The following RADIL variants were observed in gnomAD, a reference collection of about 807,000 sequenced individuals.
The protein encoded by RADIL is ras-associating and dilute domain-containing protein.
A neutral mutation model predicts 97.6 loss-of-function variants in RADIL; 99 were observed. That is an observed-to-expected ratio of 1.01 (90% confidence interval 0.86 to 1.20). RADIL has a LOEUF of 1.20. Among genes scored for constraint, RADIL ranks in the 50% most tolerant of loss-of-function variants. The pLI is 0.00. For missense variants in RADIL, 1,765 were observed against 1,498.9 expected (o/e 1.18, Z -2.93); for synonymous variants, 803 against 691.8 (o/e 1.16, Z -2.52).
At chr7:4,804,566 C>T (rs1005459854) in intron 10 of RADIL, among the ~76,000 whole-genome samples, 3 of 152,194 alleles carry the variant, frequency 2.0e-5, no homozygotes, top group East Asian at 1.9e-4. Flanking sequence ...GCAGGCAGAT[C>T]GCCTGAGGTC....
At chr7:4,825,253 G>C (rs1349749831) in intron 5 of RADIL, among the ~76,000 whole-genome samples, 2 of 152,342 alleles carry the variant, frequency 1.3e-5, no homozygotes, top group East Asian at 3.9e-4. Context: ...AGGAACGGGC[G>C]CAGCTGGCTG....
intron 5 of RADIL, among the ~76,000 whole-genome samples, chr7:4,827,264 C>G (rs968348702): frequency 6.6e-6 from 1 of 151,568 alleles, no homozygotes; most frequent in African/African-American, 2.4e-5. Context: ...ACTCAGGAGG[C>G]TGAGGCAGGA....
chr7:4,819,354 G>C lies in RADIL; in HGVS notation c.1616-2003C>G, dbSNP rs1332360362. Among the ~76,000 whole-genome samples, 4 of 152,054 alleles carry C rather than the reference G, an allele frequency of 2.6e-5. No homozygotes were observed. Among genetic ancestry groups the C allele is most frequent in the Non-Finnish European group, 5.9e-5 (4 of 68,020 alleles). On this transcript the variant is annotated intron_variant, in intron 6 of 14. Transcript: ENST00000399583. This position sits in a 1 kb window ranked among gnomAD's most constrained non-coding sequence, Gnocchi z 5.8. ...CCCAAAGTGCGGGGAGGACAGGTGT[G>C]AGCCCAGCCCTGAGACTCCATTTCT...
intron 12 of RADIL, among the ~76,000 whole-genome samples, chr7:4,800,821 G>T (rs1782058497): frequency 6.6e-6 from 1 of 152,180 alleles, no homozygotes; most frequent in African/African-American, 2.4e-5. Context: ...GAGATGAGCT[G>T]TGCACCTGAG....
At chr7:4,869,996 G>A (rs950138815) in intron 2 of RADIL, among the ~76,000 whole-genome samples, 3 of 152,154 alleles carry the variant, frequency 2.0e-5, no homozygotes, top group East Asian at 1.9e-4. Flanking sequence ...GAAATAAGTC[G>A]AGTGTGTTGG....
rs1417008323 is a variant in RADIL, at chr7:4,814,880, C to T, written c.2139+398G>A. On this transcript the variant is annotated intron_variant, in intron 9 of 14. Transcript: ENST00000399583. This position sits in a 1 kb window ranked among gnomAD's most constrained non-coding sequence, Gnocchi z 4.5. ...GCCACTGCACTCCTGTGCTCCTGGC[C>T]CCTCCTCCAGCCTCAGAGCCACATC... is the stretch of plus-strand genomic sequence containing the variant. 4.6e-5 allele frequency among the ~76,000 whole-genome samples: 7 copies of T among 152,194 alleles called. No individual in the cohort carries two copies. Among genetic ancestry groups the T allele is most frequent in the Non-Finnish European group, 8.8e-5 (6 of 68,028 alleles).
intron 2 of RADIL, chr7:4,860,949 G>C: frequency 1.2e-6 from 2 of 1,614,174 alleles, no homozygotes; most frequent in Non-Finnish European, 1.7e-6. Flanking sequence ...GGCTCCTTCA[G>C]TAACACTGGG....
At chr7:4,853,141 C>G (rs1360235712) in intron 2 of RADIL, among the ~76,000 whole-genome samples, 1 of 152,132 alleles carries the variant, frequency 6.6e-6, no homozygotes, top group Non-Finnish European at 1.5e-5. Context: ...CACTGGAGGC[C>G]AGAGGGCAGG....
rs1377707453 is a variant in RADIL, at chr7:4,819,017, C to T, written c.1616-1666G>A. 6.6e-6 allele frequency among the ~76,000 whole-genome samples: 1 copy of T among 151,778 alleles called. No homozygotes were observed. Among genetic ancestry groups the T allele is most frequent in the African/African-American group, 2.4e-5 (1 of 41,284 alleles). On this transcript the variant is annotated intron_variant, in intron 6 of 14. Coordinates refer to ENST00000399583, the MANE Select transcript of RADIL (RefSeq NM_018059.5). This position sits in a 1 kb window ranked among gnomAD's most constrained non-coding sequence, Gnocchi z 5.8. ...TTGGCCCCCCAAAGTGCTGGGATTA[C>T]AGGCATGCACCCCTGCACCCGGCCC...
intron 2 of RADIL, chr7:4,860,201 G>C (rs1783946709): frequency 6.2e-7 from 1 of 1,613,912 alleles, no homozygotes; most frequent in South Asian, 1.1e-5. Context: ...AGTAGATGAA[G>C]GCACAGACAT....
At chr7:4,865,548 G>A in intron 2 of RADIL, 1 of 786,414 alleles carries the variant, frequency 1.3e-6, no homozygotes, top group East Asian at 2.4e-5. Context: ...TTTTTGTTGA[G>A]ATACTTCAAA....
chr7:4,874,649 C>G (rs886265717), intron 2 of RADIL, among the ~76,000 whole-genome samples: 2 of 152,214 alleles, frequency 1.3e-5, no homozygotes, highest in East Asian at 3.9e-4. Flanking sequence ...TATGGCTGGG[C>G]AGCCTGATGG....
intron 9 of RADIL, among the ~76,000 whole-genome samples, chr7:4,812,165 G>A (rs968022399): frequency 4.6e-5 from 7 of 152,180 alleles, no homozygotes; most frequent in East Asian, 3.8e-4. Flanking sequence ...ACAGGTGGGC[G>A]CTACCACACC....
At position 4,847,754 on chromosome 7, in the gene RADIL, A is replaced by AC. The variant is rs1396278713; in HGVS notation, c.536-11150_536-11149insG. Among the ~76,000 whole-genome samples, 13 of 150,304 alleles carry AC rather than the reference A, an allele frequency of 8.6e-5. 1 individual carries two copies. The highest frequency in any genetic ancestry group is 4.0e-4 in the Admixed American group (6 of 15,124). ...AAGCTAGATGCAAAAAAAAAAAAAA[A>AC]AAAAAAAAAAAACACACAGGTATGA... On this transcript the variant is annotated intron_variant, in intron 2 of 14. Coordinates refer to ENST00000399583, the MANE Select transcript of RADIL (RefSeq NM_018059.5).
Position 4,836,583 on chromosome 7 carries a change from C to A in RADIL, c.558G>T (p.Arg186Ser). 1 of 1,607,446 alleles carries A rather than the reference C, an allele frequency of 6.2e-7. No individual in the cohort carries two copies. Among genetic ancestry groups the A allele is most frequent in the Non-Finnish European group, 8.5e-7 (1 of 1,179,574 alleles). Residue 186 changes from arginine (R) to serine (S), a missense_variant, in exon 3 of 15, where the codon AGG becomes AGT. By Grantham distance (110) the Arg-to-Ser change is moderately radical. Coordinates refer to ENST00000399583, the MANE Select transcript of RADIL (RefSeq NM_018059.5). ...TTCCCTTCGCGCGACTCCGCTGCAGCCTCCGGGCCTGGGCGTTTATCCCTG... is the reference window on the plus strand; with the variant it reads ...TTCCCTTCGCGCGACTCCGCTGCAGACTCCGGGCCTGGGCGTTTATCCCTG... The part of the protein sequence containing the change: ...ITAGINAQAR[R>S]LQRSRAKGTP...
chr7:4,810,701 T>G (rs1320380323), intron 9 of RADIL, among the ~76,000 whole-genome samples: 1 of 152,228 alleles, frequency 6.6e-6, no homozygotes, highest in Non-Finnish European at 1.5e-5. Context: ...CAGCTTCAGC[T>G]GACGCTGCCA....
At chr7:4,803,954 C>T (rs1208972432) in intron 10 of RADIL, 200 bp from the exon 11 acceptor site, 2 of 673,568 alleles carry the variant, frequency 3.0e-6, no homozygotes, top group South Asian at 3.2e-5. Flanking sequence ...TCCCGCCGAC[C>T]ACCCGGTGTG....
At chr7:4,825,364 A>G (rs1278441408) in intron 5 of RADIL, among the ~76,000 whole-genome samples, 1 of 152,166 alleles carries the variant, frequency 6.6e-6, no homozygotes, top group East Asian at 1.9e-4. Flanking sequence ...CAGGGCCCAC[A>G]AGGAGCACAG....
intron 5 of RADIL, among the ~76,000 whole-genome samples, chr7:4,829,282 C>T (rs191985558): frequency 6.6e-6 from 1 of 152,314 alleles, no homozygotes. Flanking sequence ...GCCTGGGTCC[C>T]TCACACAGTC....
Sources: allele counts gnomAD v4.1 joint callset (sites outside exome capture counted in the v4.1 genomes callset), GRCh38; gene constraint gnomAD v4.1.1; non-coding constraint Gnocchi (gnomAD v3.1); transcripts MANE v1.5; gene names NCBI Gene and HGNC (gene_info 2026-07-23, HGNC 2026-07-21).